The following CUBN variants were observed in gnomAD, a reference collection of about 807,000 sequenced individuals.
CUBN encodes cubilin, also known as 460 kDa receptor.
CUBN carries 282 observed loss-of-function variants against 405.3 expected under a neutral mutation model. The ratio of observed to expected loss-of-function variants is 0.70; its 90% CI spans 0.63 to 0.77. The LOEUF (loss-of-function observed/expected upper bound fraction) is 0.77, where lower values mean the gene tolerates loss of function less well. Among genes scored for constraint, CUBN ranks in the 30% least tolerant of loss-of-function variants. The pLI, the probability that CUBN is intolerant of heterozygous loss-of-function variation, is 0.00. For missense variants in CUBN, 4,514 were observed against 4,475.2 expected (o/e 1.01, Z -0.25); for synonymous variants, 1,684 against 1,617.0 (o/e 1.04, Z -0.99).
chr10:17,126,205 C>T (rs951281745), intron 4 of CUBN, among the ~76,000 whole-genome samples: 6 of 152,150 alleles, frequency 3.9e-5, no homozygotes, highest in Admixed American at 1.3e-4. Flanking sequence ...CCATGAAAGT[C>T]TTTAAAAGGT....
intron 55 of CUBN, among the ~76,000 whole-genome samples, chr10:16,889,938 A>AG (rs1840945445): frequency 7.7e-6 from 1 of 129,440 alleles, no homozygotes; most frequent in Non-Finnish European, 1.6e-5. Flanking sequence ...GCCGTGTCAA[A>AG]AAAAAAAAAA....
chr10:16,954,698 G>A lies in CUBN; in HGVS notation c.4696-150C>T, dbSNP rs1365218996. On this transcript the variant is annotated intron_variant, in intron 31 of 66. Transcript: ENST00000377833. ...GGCTTTATTGTCCTTTCTCACAGCTGTAACAAGTCTTTGGTCATTTCTAGG... is the reference window on the plus strand; with the variant it reads ...GGCTTTATTGTCCTTTCTCACAGCTATAACAAGTCTTTGGTCATTTCTAGG... 4 of 841,264 alleles carry A rather than the reference G, an allele frequency of 4.8e-6. No homozygotes were observed. In the Admixed American group the frequency reaches 6.1e-5, roughly 13 times the overall value. The allele number at this position is 841,264 out of a possible 1,614,324, so 52.1% of individuals were successfully genotyped here.
At chr10:17,085,808 C>T (rs1836094446) in intron 15 of CUBN, 49 bp from the exon 16 acceptor site, 7 of 1,510,406 alleles carry the variant, frequency 4.6e-6, no homozygotes, top group Non-Finnish European at 6.4e-6. Context: ...AGATTTTTAA[C>T]AAACTAGGTC....
intron 27 of CUBN, among the ~76,000 whole-genome samples, chr10:17,030,870 G>A (rs951105348): frequency 5.3e-5 from 8 of 152,044 alleles, no homozygotes; most frequent in Admixed American, 5.2e-4. Context: ...AGTGAGCCAA[G>A]ATTACGCCAC....
chr10:17,003,844 TG>T (rs1216200388), intron 28 of CUBN, among the ~76,000 whole-genome samples: 1 of 152,196 alleles, frequency 6.6e-6, no homozygotes, highest in African/African-American at 2.4e-5. Flanking sequence ...AATGGTCCCC[TG>T]GGGTTGCCTC....
At chr10:17,018,586 C>G (rs1323930587) in intron 28 of CUBN, among the ~76,000 whole-genome samples, 1 of 152,100 alleles carries the variant, frequency 6.6e-6, no homozygotes, top group Non-Finnish European at 1.5e-5. Flanking sequence ...AGTGAAAGAA[C>G]AAAGCTTCCA....
intron 56 of CUBN, among the ~76,000 whole-genome samples, chr10:16,880,777 T>C (rs998037617): frequency 2.0e-5 from 3 of 152,240 alleles, no homozygotes; most frequent in African/African-American, 7.2e-5. Context: ...TCTTGAGGTA[T>C]CAATTCAAGA....
intron 8 of CUBN, among the ~76,000 whole-genome samples, chr10:17,111,501 T>A (rs1412869757): frequency 6.6e-6 from 1 of 152,182 alleles, no homozygotes; most frequent in Non-Finnish European, 1.5e-5. Flanking sequence ...AATAGAAGCA[T>A]AGCTGAACAC....
At chr10:17,092,502 G>T (rs117665848) in intron 14 of CUBN, among the ~76,000 whole-genome samples, 1 of 152,042 alleles carries the variant, frequency 6.6e-6, no homozygotes. Context: ...GATACAGGTC[G>T]CAAAGACCTT....
At chr10:16,926,048 A>G (rs1842179754) in intron 41 of CUBN, among the ~76,000 whole-genome samples, 1 of 152,190 alleles carries the variant, frequency 6.6e-6, no homozygotes, top group Admixed American at 6.5e-5. Flanking sequence ...GATGGGGAAG[A>G]CATACAATAA....
intron 60 of CUBN, among the ~76,000 whole-genome samples, chr10:16,848,595 C>G (rs1184683318): frequency 6.8e-6 from 1 of 147,492 alleles, no homozygotes; most frequent in African/African-American, 2.5e-5. Flanking sequence ...CTCTCCGTCT[C>G]TAAACCTTAT....
At position 16,828,964 on chromosome 10, in the gene CUBN, C is replaced by T. The variant is rs779258017; in HGVS notation, c.10605G>A (p.Thr3535=). Residue 3535 remains threonine (T), a synonymous_variant, in exon 66 of 67, where the codon ACG becomes ACA. Coordinates refer to ENST00000377833, the MANE Select transcript of CUBN (RefSeq NM_001081.4). ...PGYPGTYPNN[T]YCEWVLVAPA... ...GAGCAACAAGGACCCACTCGCAGTA[C>T]GTGTTGTTTGGGTATGTGCCTGGAT... 9.3e-6 allele frequency: 15 copies of T among 1,613,980 alleles called. No individual in the cohort carries two copies. The East Asian group carries it at 1.1e-4, about 12-fold the overall frequency.
intron 17 of CUBN, 66 bp from the exon 18 acceptor site, chr10:17,072,037 T>A: frequency 7.9e-7 from 1 of 1,272,732 alleles, no homozygotes; most frequent in Non-Finnish European, 1.1e-6. Flanking sequence ...ATGGTGGCGT[T>A]ACTTGGAGAT....
rs541029961 is a variant in CUBN, at chr10:16,913,997, C to T, written c.7352-5G>A. On this transcript the variant is annotated splice_polypyrimidine_tract_variant and splice_region_variant and intron_variant, in intron 47 of 66. Transcript: ENST00000377833. ...CCTGAAGATCCCCACCACACTCTGA[C>T]GTGGGGAAAAAGCCAAGAAAACTTT... is the stretch of plus-strand genomic sequence containing the variant. 4.2e-5 allele frequency: 67 copies of T among 1,613,604 alleles called. No homozygotes were observed. Among genetic ancestry groups the T allele is most frequent in the Non-Finnish European group, 4.8e-5 (57 of 1,179,924 alleles).
chr10:17,083,447 G>A (rs1423940642), intron 17 of CUBN, among the ~76,000 whole-genome samples: 1 of 152,092 alleles, frequency 6.6e-6, no homozygotes, highest in Non-Finnish European at 1.5e-5. Flanking sequence ...AGAGGTTGTG[G>A]TGAGCTGAGA....
intron 59 of CUBN, among the ~76,000 whole-genome samples, chr10:16,860,022 C>A (rs1839969864): frequency 6.6e-6 from 1 of 152,030 alleles, no homozygotes; most frequent in African/African-American, 2.4e-5. Context: ...ATACTGTAAT[C>A]TCTAAGGTAA....
chr10:17,067,990 A>G (rs1402971774), intron 21 of CUBN, 74 bp downstream of exon 21: 4 of 1,258,468 alleles, frequency 3.2e-6, no homozygotes, highest in African/African-American at 1.5e-5. Context: ...AACGTGGTCA[A>G]TTTTAAGATC....
At chr10:17,053,940 T>C (rs1007866529) in intron 22 of CUBN, among the ~76,000 whole-genome samples, 1 of 152,086 alleles carries the variant, frequency 6.6e-6, no homozygotes, top group Non-Finnish European at 1.5e-5. Flanking sequence ...TATTTGAAAG[T>C]TAAATAATAC....
At position 16,937,738 on chromosome 10, in the gene CUBN, C is replaced by T. The variant is rs1842555678; in HGVS notation, c.5780G>A (p.Cys1927Tyr). The T allele has an allele frequency of 1.9e-6, 3 of 1,613,944 alleles. No homozygotes were observed. ...GCTGAAAGATTCAGTCTGGGTACCA[C>T]AGTAAGCTCCAATTAGGCGGGCGTG... ...SIHARLIGAY[C>Y]GTQTESFSST... Residue 1927 changes from cysteine (C) to tyrosine (Y), a missense_variant, in exon 39 of 67, where the codon TGT (cysteine) becomes TAT (tyrosine). This residue lies in a region of CUBN where 1,613 missense variants were observed against 1,542.8 expected (regional missense o/e 1.05). Transcript: ENST00000377833.
Sources: allele counts gnomAD v4.1 joint callset (sites outside exome capture counted in the v4.1 genomes callset), GRCh38; gene constraint gnomAD v4.1.1; regional missense constraint gnomAD v4.1.1; transcripts MANE v1.5; gene names NCBI Gene and HGNC (gene_info 2026-07-23, HGNC 2026-07-21).